The following PXDNL variants were observed in gnomAD, a reference collection of about 807,000 sequenced individuals.
PXDNL encodes probable oxidoreductase PXDNL.
PXDNL carries 145 observed loss-of-function variants against 150.8 expected under a neutral mutation model. That is an observed-to-expected ratio of 0.96 (90% confidence interval 0.84 to 1.10). PXDNL has a LOEUF of 1.10. PXDNL is among the 50% of genes least tolerant of loss of function. PXDNL has a pLI of 0.00. For missense variants in PXDNL, 2,087 were observed against 1,873.9 expected (o/e 1.11, Z -2.10); for synonymous variants, 757 against 725.7 (o/e 1.04, Z -0.69).
chr8:51,352,618 T>C (rs1036375880), intron 19 of PXDNL, among the ~76,000 whole-genome samples: 4 of 152,138 alleles, frequency 2.6e-5, no homozygotes, highest in African/African-American at 9.7e-5. Flanking sequence ...TTCTTCTCCT[T>C]TGCCTTCCAA....
intron 1 of PXDNL, among the ~76,000 whole-genome samples, chr8:51,699,058 A>G (rs1816198265): frequency 6.6e-6 from 1 of 152,228 alleles, no homozygotes; most frequent in South Asian, 2.1e-4. Context: ...TACATTTAAC[A>G]TAATTCTTGA....
chr8:51,696,422 T>A (rs190027423), intron 1 of PXDNL, among the ~76,000 whole-genome samples: 61 of 152,262 alleles, frequency 4.0e-4, no homozygotes, highest in Non-Finnish European at 6.9e-4. Flanking sequence ...AATCTCAAAC[T>A]CCCAGCCTCC....
intron 17 of PXDNL, among the ~76,000 whole-genome samples, chr8:51,405,057 C>A (rs1225648730): frequency 6.6e-6 from 1 of 152,190 alleles, no homozygotes; most frequent in Non-Finnish European, 1.5e-5. Context: ...GGGTGCTAAG[C>A]CCCTCACTGC....
chr8:51,543,727 A>AG (rs1812279907), intron 4 of PXDNL, among the ~76,000 whole-genome samples: 1 of 151,328 alleles, frequency 6.6e-6, no homozygotes, highest in African/African-American at 2.4e-5. Flanking sequence ...AAAAAAAAAA[A>AG]AAAAGAAAGA....
intron 1 of PXDNL, chr8:51,721,768 T>C: frequency 2.5e-6 from 1 of 395,824 alleles, no homozygotes; most frequent in South Asian, 2.2e-5. Flanking sequence ...AAGTGCTGCT[T>C]TTCCATCTAC....
chr8:51,682,043 G>A (rs1815761074), intron 1 of PXDNL, among the ~76,000 whole-genome samples: 1 of 152,064 alleles, frequency 6.6e-6, no homozygotes, highest in Non-Finnish European at 1.5e-5. Context: ...ACCATTCAGA[G>A]ATAACTGCAA....
At chr8:51,693,010 A>T (rs912049241) in intron 1 of PXDNL, among the ~76,000 whole-genome samples, 2 of 152,240 alleles carry the variant, frequency 1.3e-5, no homozygotes, top group African/African-American at 4.8e-5. Context: ...TTGCTGGAAA[A>T]TTTGAAATTT....
At position 51,520,480 on chromosome 8, in the gene PXDNL, T is replaced by C. The variant is rs541356624; in HGVS notation, c.381-20710A>G. On this transcript the variant is annotated intron_variant, in intron 4 of 22. Transcript: ENST00000356297. Reference sequence around the variant, plus strand: ...GCGGGAGAGCCACACCCTGGAGACATAGGCCCGCCATGCACCCAGAGGACC... The same window carrying C: ...GCGGGAGAGCCACACCCTGGAGACACAGGCCCGCCATGCACCCAGAGGACC... Among the ~76,000 whole-genome samples, 68 of 151,920 alleles carry C rather than the reference T, an allele frequency of 4.5e-4. 1 individual carries two copies. The highest frequency in any genetic ancestry group is 1.6e-3 in the African/African-American group (67 of 41,422).
At chr8:51,634,613 T>C (rs1285268337) in intron 2 of PXDNL, among the ~76,000 whole-genome samples, 1 of 152,116 alleles carries the variant, frequency 6.6e-6, no homozygotes, top group Non-Finnish European at 1.5e-5. Flanking sequence ...TCCATGAGCA[T>C]GGACTGTTTT....
chr8:51,779,617 G>A (rs1237686273), intron 1 of PXDNL, among the ~76,000 whole-genome samples: 2 of 152,196 alleles, frequency 1.3e-5, no homozygotes, highest in Admixed American at 1.3e-4. Context: ...GAGTGCTGAT[G>A]GCACGCAGCT....
At chr8:51,359,086 GCCCAGTGAA>G (rs1806626943) in intron 19 of PXDNL, among the ~76,000 whole-genome samples, 1 of 152,128 alleles carries the variant, frequency 6.6e-6, no homozygotes, top group Non-Finnish European at 1.5e-5. Context: ...TCATAGCCCA[GCCCAGTGAA>G]CCTGTCTCCT....
At chr8:51,589,216 A>C (rs1420350114) in intron 3 of PXDNL, among the ~76,000 whole-genome samples, 1 of 152,160 alleles carries the variant, frequency 6.6e-6, no homozygotes, top group East Asian at 1.9e-4. Context: ...TTTCTTTATA[A>C]ATTTCCCAGT....
At chr8:51,534,293 A>G (rs1386585810) in intron 4 of PXDNL, among the ~76,000 whole-genome samples, 1 of 133,226 alleles carries the variant, frequency 7.5e-6, no homozygotes, top group Non-Finnish European at 1.6e-5. Context: ...TCCGGCAGCC[A>G]CCCCGTCTGG....
rs113261201 is a variant in PXDNL, at chr8:51,562,676, A to G, written c.309-5765T>C. On this transcript the variant is annotated intron_variant, in intron 3 of 22. Transcript: ENST00000356297. Reference sequence around the variant, plus strand: ...ATTAGTTCCAAGGGAAAAGTAATAAAAATCAAAATAGTTGGTAGGTGTGAG... The same window carrying G: ...ATTAGTTCCAAGGGAAAAGTAATAAGAATCAAAATAGTTGGTAGGTGTGAG... Among the ~76,000 whole-genome samples the G allele has an allele frequency of 6.2e-3, 940 of 152,098 alleles. 3 individuals carry two copies. Among genetic ancestry groups the G allele is most frequent in the African/African-American group, 0.022 (894 of 41,532 alleles).
rs1286186038 is a variant in PXDNL at position 51,408,284 on chromosome 8, G to A, written c.3340C>T (p.Pro1114Ser). The A allele has an allele frequency of 4.3e-6, 7 of 1,613,828 alleles. No homozygotes were observed. Among genetic ancestry groups the A allele is most frequent in the African/African-American group, 1.3e-5 (1 of 74,936 alleles). The change falls in exon 17 of 23, where the codon CCC becomes TCC. Residue 1114 changes from proline to serine, a missense_variant. By Grantham distance (74) the Pro-to-Ser change is moderately conservative. Coordinates refer to ENST00000356297, the MANE Select transcript of PXDNL (RefSeq NM_144651.5). ...LFGVAAKWRA[P>S]SYLLSPELTQ... ...AGCTCAGGACTGAGAAGGTAGGAGGGTGCCCGCCATTTAGCAGCCACGCCA... is the reference window on the plus strand; with the variant it reads ...AGCTCAGGACTGAGAAGGTAGGAGGATGCCCGCCATTTAGCAGCCACGCCA...
intron 19 of PXDNL, among the ~76,000 whole-genome samples, chr8:51,367,577 A>G (rs893121599): frequency 6.6e-6 from 1 of 152,208 alleles, no homozygotes; most frequent in South Asian, 2.1e-4. Flanking sequence ...GAATTCTATA[A>G]GAACCTAGCC....
At chr8:51,583,223 C>A (rs1438683323) in intron 3 of PXDNL, among the ~76,000 whole-genome samples, 1 of 152,028 alleles carries the variant, frequency 6.6e-6, no homozygotes, top group Non-Finnish European at 1.5e-5. Context: ...TTTTGGCTCC[C>A]AGTTCAGCAG....
At chr8:51,494,887 C>A (rs1467719461) in intron 5 of PXDNL, among the ~76,000 whole-genome samples, 4 of 151,990 alleles carry the variant, frequency 2.6e-5, no homozygotes, top group African/African-American at 4.8e-5. Flanking sequence ...AGAAAGTTAA[C>A]AAGGATATCC....
chr8:51,402,433 C>T (rs1200159024), intron 17 of PXDNL, among the ~76,000 whole-genome samples: 1 of 151,828 alleles, frequency 6.6e-6, no homozygotes, highest in African/African-American at 2.4e-5. Context: ...GCAGGAGAAT[C>T]ACTTGAATCT....
Sources: gnomAD v4.1 joint callset for allele counts (sites outside exome capture counted in the v4.1 genomes callset) on GRCh38, gnomAD v4.1.1 for gene constraint, MANE v1.5 for transcripts, NCBI Gene and HGNC (gene_info 2026-07-23, HGNC 2026-07-21) for gene names.